Variants in RYR1 observed in about 807,000 individuals in gnomAD.
The protein encoded by RYR1 is ryanodine receptor 1.
RYR1 carries 342 observed loss-of-function variants against 583.5 expected under a neutral mutation model. That is an observed-to-expected ratio of 0.59 (90% CI 0.54 to 0.64). The LOEUF is 0.64. Ranked by LOEUF, RYR1 falls within the 30% of genes least tolerant of loss-of-function variation. The pLI is 0.00. For missense variants in RYR1, 6,032 were observed against 6,917.2 expected, an observed-to-expected ratio of 0.87 and a Z score of 4.54; for synonymous variants, 2,791 against 2,822.5, an observed-to-expected ratio of 0.99 and a Z score of 0.35.
intron 69 of RYR1, chr19:38,523,553 TTCC>T: frequency 3.3e-6 from 2 of 604,472 alleles, no homozygotes; most frequent in South Asian, 3.9e-5. Context: ...CTCTGTCTCC[TTCC>T]TCCTCCTGTA....
rs1164386589 is a variant in RYR1 at position 38,479,481 on chromosome 19, G to A, written c.4620+881G>A. 2.0e-5 allele frequency among the ~76,000 whole-genome samples: 3 copies of A among 149,944 alleles called. No homozygotes were observed. The East Asian group carries it at 6.0e-4, about 30-fold the overall frequency. ...GGAGTGCAGTGGTGTGATCACAGCT[G>A]ACTGCAGCCTCAACTTCCCAGGCTC... On this transcript the variant is annotated intron_variant, in intron 31 of 105. Transcript: ENST00000359596.
chr19:38,582,669 C>T (rs1235486475), intron 101 of RYR1, among the ~76,000 whole-genome samples: 1 of 152,058 alleles, frequency 6.6e-6, no homozygotes, highest in Non-Finnish European at 1.5e-5. Flanking sequence ...AAAAAAGTTT[C>T]ACCCAAGGTA....
At chr19:38,514,311 C>T (rs1442336638) in intron 63 of RYR1, among the ~76,000 whole-genome samples, 4 of 146,620 alleles carry the variant, frequency 2.7e-5, no homozygotes, top group African/African-American at 1.0e-4. Context: ...GACAGAGTCT[C>T]GGTCTGTCAC....
chr19:38,453,259 T>A (rs985615516), intron 13 of RYR1, among the ~76,000 whole-genome samples: 2 of 139,088 alleles, frequency 1.4e-5, no homozygotes, highest in Admixed American at 1.4e-4. Flanking sequence ...GGGCAGGGCG[T>A]ATGGCCGACC....
rs1241050088 is a variant in RYR1 at position 38,519,263 on chromosome 19, C to G, written c.10068C>G (p.Ser3356=). The G allele has an allele frequency of 1.2e-6, 2 of 1,614,136 alleles. No individual in the cohort carries two copies. The highest frequency in any genetic ancestry group is 4.5e-5 in the East Asian group (2 of 44,868). The change falls in exon 67 of 106, where the codon TCC becomes TCG. Residue 3356 remains serine, a synonymous_variant. Coordinates refer to ENST00000359596, the MANE Select transcript of RYR1 (RefSeq NM_000540.3). ...VSRARPELLQ[S]HFIPTIGRLR... ...GTGCACGGCCGGAGCTCCTGCAGTC[C>G]CACTTCATCCCAACTATCGGGCGGC...
At chr19:38,585,882 G>C (rs897529981) in intron 102 of RYR1, 56 bp from the exon 103 acceptor site, 19 of 1,604,562 alleles carry the variant, frequency 1.2e-5, no homozygotes, top group African/African-American at 8.0e-5. Flanking sequence ...AGCTGGAGAG[G>C]GGGGAGTCTG....
intron 24 of RYR1, 94 bp from the exon 25 acceptor site, chr19:38,467,516 A>C: frequency 7.6e-7 from 1 of 1,319,196 alleles, no homozygotes; most frequent in Non-Finnish European, 1.1e-6. Flanking sequence ...CAAAGCCCTT[A>C]CTGTCCCCCA....
rs751881230 is a variant in RYR1 at position 38,561,483 on chromosome 19, G to A, written c.12624+29G>A. On this transcript the variant is annotated intron_variant, in intron 90 of 105. Transcript: ENST00000359596. This position sits in a 1 kb window ranked among gnomAD's most constrained non-coding sequence, Gnocchi z 4.8. ...AGGGAACCCGCGCGCGTGCAAGCTC[G>A]CCTCCTGGGGCTTCGGGCATGCGGG... 8 of 1,587,916 alleles carry A rather than the reference G, an allele frequency of 5.0e-6. No homozygotes were observed. Among genetic ancestry groups the A allele is most frequent in the South Asian group, 4.5e-5 (4 of 89,616 alleles).
intron 31 of RYR1, among the ~76,000 whole-genome samples, chr19:38,479,323 C>T (rs1968898770): frequency 6.6e-6 from 1 of 152,208 alleles, no homozygotes; most frequent in Non-Finnish European, 1.5e-5. Context: ...ACATATTCAC[C>T]TACCTGTCCA....
At chr19:38,456,066 G>GA (rs1967366101) in intron 16 of RYR1, among the ~76,000 whole-genome samples, 1 of 149,212 alleles carries the variant, frequency 6.7e-6, no homozygotes, top group Non-Finnish European at 1.5e-5. Context: ...CTGCCTCCTG[G>GA]GTTCAAGCGA....
At chr19:38,528,732 C>T (rs1247311662) in intron 75 of RYR1, 37 bp downstream of exon 75, 12 of 1,602,738 alleles carry the variant, frequency 7.5e-6, no homozygotes, top group Non-Finnish European at 1.0e-5. Flanking sequence ...GGGGGGCGAG[C>T]TGGATAGGGC....
In RYR1 at chr19:38,563,938, C is replaced by A. The variant is rs146896358; in HGVS notation, c.12625-1021C>A. Among the ~76,000 whole-genome samples, 57 of 152,330 alleles carry A rather than the reference C, an allele frequency of 3.7e-4. No individual in the cohort carries two copies. In the South Asian group the frequency reaches 7.9e-3, roughly 21 times the overall value. On this transcript the variant is annotated intron_variant, in intron 90 of 105. Transcript: ENST00000359596. ...CTCATCTATAAAATGGGAAGAAAACCCGCTAGCCCTAGGCTTGTTTGTGAG... is the reference window on the plus strand; with the variant it reads ...CTCATCTATAAAATGGGAAGAAAACACGCTAGCCCTAGGCTTGTTTGTGAG...
chr19:38,457,534 G>A lies in RYR1; in HGVS notation c.1829G>A (p.Gly610Asp), dbSNP rs532886284. ...DVLCSLCVCNGVAVRSNQDLI... is the reference protein window; with the variant it reads ...DVLCSLCVCNDVAVRSNQDLI... ...CTATGCTCCCTGTGTGTGTGTAATG[G>A]TGTGGCTGTACGCTCCAACCAAGAT... Residue 610 changes from glycine to aspartate, a missense_variant, in exon 17 of 106, where the codon GGT becomes GAT. By Grantham distance (94) the Gly-to-Asp change is moderately conservative. Around this residue, in one of 11 missense-constraint regions of RYR1, gnomAD observed 2,627 missense variants for 2,961.3 expected, o/e 0.89. Transcript: ENST00000359596. 3.7e-6 allele frequency: 6 copies of A among 1,614,094 alleles called. No homozygotes were observed. The highest frequency in any genetic ancestry group is 3.3e-5 in the Admixed American group (2 of 60,004).
intron 96 of RYR1, among the ~76,000 whole-genome samples, chr19:38,574,479 C>T (rs1266779077): frequency 6.6e-6 from 1 of 151,596 alleles, no homozygotes; most frequent in East Asian, 1.9e-4. Flanking sequence ...AAAAGTTAGC[C>T]AGACATGCTA....
intron 36 of RYR1, 86 bp downstream of exon 36, chr19:38,490,362 C>T (rs751835439): frequency 7.0e-5 from 93 of 1,330,084 alleles, no homozygotes; most frequent in Non-Finnish European, 9.3e-5. Context: ...GGACCCTCAA[C>T]CTCTAAACCC....
At position 38,496,165 on chromosome 19, in the gene RYR1, C is replaced by G; in HGVS notation, c.6549-50C>G. 6.7e-7 allele frequency: 1 copy of G among 1,495,908 alleles called. No individual in the cohort carries two copies. Among genetic ancestry groups the G allele is most frequent in the Non-Finnish European group, 9.3e-7 (1 of 1,076,678 alleles). 92.7% of individuals were successfully genotyped at this position (1,495,908 alleles called of 1,614,324 possible). On this transcript the variant is annotated intron_variant, in intron 39 of 105. Coordinates refer to ENST00000359596, the MANE Select transcript of RYR1 (RefSeq NM_000540.3). This position sits in a 1 kb window ranked among gnomAD's most constrained non-coding sequence, Gnocchi z 4.8. The stretch of plus-strand genomic sequence containing the variant: ...CGCTGTCACAGTGGTGGCTATGGCC[C>G]TCTCCGGACCTGGGCCCCTGGTGAC...
chr19:38,535,882 A>G (rs1971940573), intron 81 of RYR1, 115 bp from the exon 82 acceptor site: 1 of 879,492 alleles, frequency 1.1e-6, no homozygotes, highest in South Asian at 1.4e-5. Flanking sequence ...ATTTCAGCGC[A>G]TAGATGGTTT....
Position 38,496,923 on chromosome 19 carries a change from C to A in RYR1, c.6860C>A (p.Ala2287Asp), listed in dbSNP as rs761154999. 2.9e-5 allele frequency: 46 copies of A among 1,613,498 alleles called. No homozygotes were observed. Among genetic ancestry groups the A allele is most frequent in the Non-Finnish European group, 3.7e-5 (44 of 1,179,994 alleles). Residue 2287 changes from alanine to aspartate, a missense_variant, in exon 42 of 106, where the codon GCC (alanine) becomes GAC (aspartate). Ala to Asp is a moderately radical substitution (Grantham distance 126, BLOSUM62 -2). Coordinates refer to ENST00000359596, the MANE Select transcript of RYR1 (RefSeq NM_000540.3). This position sits in a 1 kb window ranked among gnomAD's most constrained non-coding sequence, Gnocchi z 4.8. ...TCCGTCATTGACAACAATGAGCTGG[C>A]CTTGGCATTGCAGGAGCAGGACCTG... ...AASVIDNNEL[A>D]LALQEQDLEK...
In RYR1 at chr19:38,565,427, G is replaced by T. The variant is rs1973362089; in HGVS notation, c.13093G>T (p.Gly4365Cys). The change falls in exon 91 of 106, where the codon GGC becomes TGC. Residue 4365 changes from glycine to cysteine, a missense_variant. Physicochemically the swap from Gly to Cys is radical, Grantham distance 159 (BLOSUM62 -3). Coordinates refer to ENST00000359596, the MANE Select transcript of RYR1 (RefSeq NM_000540.3). The surrounding 1 kb of genome is among the most constrained non-coding windows in gnomAD (Gnocchi z 4.7). Reference sequence around the variant, plus strand: ...CCTGCTCTGGGGCTCGCTGTTCGGCGGCGGCCTGGTGGAGGGCGCCAAGAA... The same window carrying T: ...CCTGCTCTGGGGCTCGCTGTTCGGCTGCGGCCTGGTGGAGGGCGCCAAGAA... ...LGLLWGSLFGGGLVEGAKKVT... is the reference protein window; with the variant it reads ...LGLLWGSLFGCGLVEGAKKVT... 2.0e-6 allele frequency: 3 copies of T among 1,488,908 alleles called. No individual in the cohort carries two copies. Among genetic ancestry groups the T allele is most frequent in the Non-Finnish European group, 2.7e-6 (3 of 1,126,460 alleles). 92.2% of individuals were successfully genotyped at this position (1,488,908 alleles called of 1,614,324 possible). A position where few individuals can be genotyped will look rare whatever the true frequency, so the allele number is the denominator to read the frequency against.
Sources: allele counts gnomAD v4.1 joint callset (sites outside exome capture counted in the v4.1 genomes callset), GRCh38; gene constraint gnomAD v4.1.1; regional missense constraint gnomAD v4.1.1; non-coding constraint Gnocchi (gnomAD v3.1); transcripts MANE v1.5; gene names NCBI Gene and HGNC (gene_info 2026-07-23, HGNC 2026-07-21).